Variants in CTNNAL1 observed in about 807,000 individuals in gnomAD.
The protein encoded by CTNNAL1 is alpha-catulin.
CTNNAL1 carries 69 observed loss-of-function variants against 93.6 expected under a neutral mutation model. That is an observed-to-expected ratio of 0.74 (90% confidence interval 0.61 to 0.90). The LOEUF is 0.90. Among genes scored for constraint, CTNNAL1 ranks in the 40% least tolerant of loss-of-function variants. CTNNAL1 has a pLI of 0.00. For missense variants in CTNNAL1, 836 were observed against 862.0 expected, an observed-to-expected ratio of 0.97 and a Z score of 0.38; for synonymous variants, 286 against 305.4, an observed-to-expected ratio of 0.94 and a Z score of 0.66.
chr9:108,966,285 TG>T (rs1830949373), intron 10 of CTNNAL1, among the ~76,000 whole-genome samples: 1 of 152,168 alleles, frequency 6.6e-6, no homozygotes, highest in South Asian at 2.1e-4. Flanking sequence ...TACCACCACA[TG>T]GGCTAAATAA....
At chr9:108,951,295 G>A (rs529715303) in intron 14 of CTNNAL1, among the ~76,000 whole-genome samples, 7 of 151,692 alleles carry the variant, frequency 4.6e-5, no homozygotes, top group South Asian at 2.1e-4. Flanking sequence ...GATTACAGGC[G>A]TGAGCCACCA....
chr9:108,962,647 T>C (rs555646525), intron 11 of CTNNAL1, among the ~76,000 whole-genome samples: 28 of 152,240 alleles, frequency 1.8e-4, no homozygotes, highest in African/African-American at 6.5e-4. Flanking sequence ...TAGGGAGAGA[T>C]GGATGCCAGA....
At chr9:108,945,676 T>C (rs914112214) in intron 15 of CTNNAL1, among the ~76,000 whole-genome samples, 4 of 151,708 alleles carry the variant, frequency 2.6e-5, no homozygotes, top group Non-Finnish European at 5.9e-5. Flanking sequence ...GGTCTCACTA[T>C]GTTGCCCCAG....
chr9:108,992,534 T>C, intron 3 of CTNNAL1, 98 bp downstream of exon 3: 1 of 1,406,004 alleles, frequency 7.1e-7, no homozygotes, highest in East Asian at 2.5e-5. Flanking sequence ...GCATTCTTCA[T>C]CGACACACAA....
intron 13 of CTNNAL1, 22 bp downstream of exon 13, chr9:108,952,422 T>C (rs747940760): frequency 6.2e-7 from 1 of 1,614,210 alleles, no homozygotes; most frequent in African/African-American, 1.3e-5. Context: ...AAAGGAAGAT[T>C]AGATGTAGGA....
In CTNNAL1 at chr9:108,955,843, A is replaced by AT; in HGVS notation, c.1592-17dup. 6.5e-7 allele frequency: 1 copy of AT among 1,538,724 alleles called. No homozygotes were observed. The highest frequency in any genetic ancestry group is 2.1e-4 in the Middle Eastern group (1 of 4,844). On this transcript the variant is annotated splice_polypyrimidine_tract_variant and intron_variant, in intron 11 of 18. Transcript: ENST00000325551. ...TACTTCTCTCCTACAAATAACACAT[A>AT]TAACTTAAAAAATTTTTTCTATTAA...
At chr9:108,954,487 T>G (rs2132099118) in intron 12 of CTNNAL1, among the ~76,000 whole-genome samples, 1 of 152,322 alleles carries the variant, frequency 6.6e-6, no homozygotes, top group Non-Finnish European at 1.5e-5. Context: ...AGCCCTAAAT[T>G]ATAGCACTTA....
chr9:108,957,225 G>A (rs916196544), intron 11 of CTNNAL1, among the ~76,000 whole-genome samples: 1 of 150,970 alleles, frequency 6.6e-6, no homozygotes, highest in Non-Finnish European at 1.5e-5. Context: ...GGCTCCGGTG[G>A]TCCTCCCACC....
intron 6 of CTNNAL1, among the ~76,000 whole-genome samples, chr9:108,979,861 T>C (rs1204371069): frequency 6.6e-6 from 1 of 152,202 alleles, no homozygotes; most frequent in Non-Finnish European, 1.5e-5. Context: ...CACCCAAATA[T>C]GAAATGTGCT....
chr9:108,996,807 T>C (rs953289750), intron 2 of CTNNAL1, among the ~76,000 whole-genome samples: 2 of 152,178 alleles, frequency 1.3e-5, no homozygotes, highest in African/African-American at 2.4e-5. Flanking sequence ...TTGTCCATTA[T>C]GTAATGTCTG....
rs1257453165 is a variant in CTNNAL1, at chr9:108,948,232, C to A, written c.1838G>T (p.Gly613Val). 1.2e-6 allele frequency: 2 copies of A among 1,610,536 alleles called. No individual in the cohort carries two copies. Among genetic ancestry groups the A allele is most frequent in the Admixed American group, 3.4e-5 (2 of 59,050 alleles). ...CTGGGAAGTTTTCAGTGGCCCCTCT[C>A]CTCTAAAATAAAATTAATTGTTAAG... ...MAYSLYLFTRGEGPLKTSQDL... is the reference protein window; with the variant it reads ...MAYSLYLFTRVEGPLKTSQDL... The change falls in exon 15 of 19, where the codon GGA becomes GTA. Residue 613 changes from glycine to valine, a missense_variant and splice_region_variant. Physicochemically the swap from Gly to Val is moderately radical, Grantham distance 109. Transcript: ENST00000325551.
chr9:108,992,857 TACAAATTAA>T (rs1485214754), intron 2 of CTNNAL1, 38 bp from the exon 3 acceptor site: 2 of 1,567,248 alleles, frequency 1.3e-6, no homozygotes, highest in Admixed American at 1.9e-5. Context: ...TAAACAGGCA[TACAAATTAA>T]AATCTAGACT....
Position 108,992,686 on chromosome 9 carries a change from C to T in CTNNAL1, c.465G>A (p.Val155=), listed in dbSNP as rs756841847. Reference sequence around the variant, plus strand: ...TGACTACTCGGTCTGCCAGCAACAACACTTTTGTCACTGAAGAAAGAAGTA... The same window carrying T: ...TGACTACTCGGTCTGCCAGCAACAATACTTTTGTCACTGAAGAAAGAAGTA... ...ARLLLSSVTK[V]LLLADRVVIK... Residue 155 remains valine (V), a synonymous_variant, in exon 3 of 19, where the codon GTG becomes GTA. Transcript: ENST00000325551. 1.4e-5 allele frequency: 22 copies of T among 1,613,800 alleles called. No homozygotes were observed. In the South Asian group the frequency reaches 2.2e-4, roughly 16 times the overall value.
intron 11 of CTNNAL1, among the ~76,000 whole-genome samples, chr9:108,959,676 A>G (rs1830779184): frequency 6.6e-6 from 1 of 152,224 alleles, no homozygotes; most frequent in Non-Finnish European, 1.5e-5. Context: ...TATAAACATT[A>G]AAAATAGTTG....
chr9:108,942,997 G>A lies in CTNNAL1; in HGVS notation c.2103C>T (p.Val701=), dbSNP rs771960852. The A allele has an allele frequency of 6.2e-7, 1 of 1,613,008 alleles. No individual in the cohort carries two copies. The highest frequency in any genetic ancestry group is 8.5e-7 in the Non-Finnish European group (1 of 1,179,780). ...TKTRSMMALL[V]QLLSLCYKLL... is the part of the protein sequence containing the mutation. ...GTTTATAACAAAGTGAAAGAAGTTG[G>A]ACTAAGAGAGCCATCATGGATCTTG... The change falls in exon 18 of 19, where the codon GTC becomes GTT. Residue 701 remains valine, a synonymous_variant. Transcript: ENST00000325551.
intron 3 of CTNNAL1, among the ~76,000 whole-genome samples, 196 bp from the exon 4 acceptor site, chr9:108,991,041 G>T (rs760800201): frequency 5.9e-5 from 9 of 152,116 alleles, no homozygotes; most frequent in African/African-American, 1.4e-4. Context: ...TTAGGGGAAT[G>T]ATTTGTTTAT....
chr9:108,950,732 C>T (rs2132090382), intron 14 of CTNNAL1: 2 of 1,094,156 alleles, frequency 1.8e-6, no homozygotes, highest in South Asian at 1.8e-5. Flanking sequence ...ATAAATTGAA[C>T]ACATTAACCC....
intron 1 of CTNNAL1, among the ~76,000 whole-genome samples, chr9:109,008,392 C>T (rs1827100996): frequency 6.6e-6 from 1 of 152,106 alleles, no homozygotes; most frequent in African/African-American, 2.4e-5. Flanking sequence ...GGTGATCCAC[C>T]CACCTCAGCC....
At chr9:108,961,474 G>C (rs1202041807) in intron 11 of CTNNAL1, among the ~76,000 whole-genome samples, 1 of 152,188 alleles carries the variant, frequency 6.6e-6, no homozygotes, top group African/African-American at 2.4e-5. Flanking sequence ...CCTGAACAGA[G>C]AGGCACTTTC....
Sources: gnomAD v4.1 joint callset for allele counts (sites outside exome capture counted in the v4.1 genomes callset) on GRCh38, gnomAD v4.1.1 for gene constraint, MANE v1.5 for transcripts, NCBI Gene and HGNC (gene_info 2026-07-23, HGNC 2026-07-21) for gene names.